The following EDAR variants were observed in gnomAD, a reference collection of about 807,000 sequenced individuals.
EDAR encodes the protein tumor necrosis factor receptor superfamily member EDAR.
A neutral mutation model predicts 51.3 loss-of-function variants in EDAR; 38 were observed. That is an observed-to-expected ratio of 0.74 (90% CI 0.57 to 0.97). The LOEUF is 0.97. EDAR is among the 50% of genes least tolerant of loss of function. EDAR has a pLI of 0.00. For synonymous variants in EDAR, 227 were observed against 242.1 expected (o/e 0.94, Z 0.58); for missense variants, 528 against 595.0 (o/e 0.89, Z 1.17).
rs768720529 is a variant in EDAR at position 108,923,451 on chromosome 2, T to C, written c.359A>G (p.Tyr120Cys). 6.2e-7 allele frequency: 1 copy of C among 1,614,048 alleles called. No individual in the cohort carries two copies. Among genetic ancestry groups the C allele is most frequent in the Non-Finnish European group, 8.5e-7 (1 of 1,179,950 alleles). ...CCTCGGTCTGTTCTCCAGCATGTAGTAGCTACGGGGGAGAGACAAGACAAA... is the reference window on the plus strand; with the variant it reads ...CCTCGGTCTGTTCTCCAGCATGTAGCAGCTACGGGGGAGAGACAAGACAAA... ...DAECGPCLPG[Y>C]YMLENRPRNI... is the part of the protein sequence containing the mutation. Residue 120 changes from tyrosine (Y) to cysteine (C), a missense_variant and splice_region_variant, in exon 5 of 12, where the codon TAC becomes TGC. Coordinates refer to ENST00000258443, the MANE Select transcript of EDAR (RefSeq NM_022336.4).
At chr2:108,974,277 C>A (rs1422282505) in intron 1 of EDAR, among the ~76,000 whole-genome samples, 1 of 125,756 alleles carries the variant, frequency 8.0e-6, no homozygotes, top group Non-Finnish European at 1.6e-5. Context: ...TTGCAGTGAG[C>A]TGAGATCACA....
At chr2:108,901,355 CAG>C (rs1216956735) in intron 11 of EDAR, among the ~76,000 whole-genome samples, 18 of 152,104 alleles carry the variant, frequency 1.2e-4, no homozygotes, top group African/African-American at 4.3e-4. Context: ...ATTTATAGGA[CAG>C]ATACATACAA....
At chr2:108,941,239 A>G (rs188001974) in intron 1 of EDAR, among the ~76,000 whole-genome samples, 15 of 152,214 alleles carry the variant, frequency 9.9e-5, no homozygotes, top group Non-Finnish European at 1.5e-4. Flanking sequence ...TGCCCATTCC[A>G]TTTGTTTTTG....
In EDAR at chr2:108,897,084, G is replaced by A; in HGVS notation, c.1170C>T (p.Gly390=). The A allele has an allele frequency of 1.9e-6, 3 of 1,614,154 alleles. No homozygotes were observed. The highest frequency in any genetic ancestry group is 2.5e-6 in the Non-Finnish European group (3 of 1,180,032). Residue 390 remains glycine, a synonymous_variant, in exon 12 of 12, where the codon GGC becomes GGT. Coordinates refer to ENST00000258443, the MANE Select transcript of EDAR (RefSeq NM_022336.4). The part of the protein sequence containing the change: ...SFGLKRDEIG[G]MTDGMQLFDR... ...CAAAGAGTTGCATGCCGTCTGTCAT[G>A]CCCCCAATCTCATCCCTCTTCAGGC...
intron 1 of EDAR, among the ~76,000 whole-genome samples, chr2:108,977,506 G>A (rs908462906): frequency 3.3e-5 from 5 of 152,098 alleles, no homozygotes; most frequent in Admixed American, 3.3e-4. Flanking sequence ...TCCTGACCTC[G>A]TGATCCGCCA....
rs535374722 is a variant in EDAR at position 108,937,576 on chromosome 2, A to T, written c.-18-6544T>A. Among the ~76,000 whole-genome samples the T allele has an allele frequency of 9.9e-5, 15 of 151,826 alleles. 1 individual carries two copies. The East Asian group carries it at 1.7e-3, about 18-fold the overall frequency. ...GAATGTTATGTGTGTGTGTATGCTTATGTGTAAGTGTATTTGTATATGAGT... is the reference window on the plus strand; with the variant it reads ...GAATGTTATGTGTGTGTGTATGCTTTTGTGTAAGTGTATTTGTATATGAGT... On this transcript the variant is annotated intron_variant, in intron 1 of 11. Transcript: ENST00000258443.
chr2:108,943,462 C>T (rs1697648133), intron 1 of EDAR, among the ~76,000 whole-genome samples: 1 of 152,164 alleles, frequency 6.6e-6, no homozygotes, highest in South Asian at 2.1e-4. Context: ...CTACCCTGTG[C>T]CTTTTTTCCA....
chr2:108,931,729 CTTT>C (rs374981111), intron 1 of EDAR, among the ~76,000 whole-genome samples: 1 of 149,924 alleles, frequency 6.7e-6, no homozygotes, highest in African/African-American at 2.5e-5. Flanking sequence ...GTTTTTTTTT[CTTT>C]TTTTTTGCTT....
intron 1 of EDAR, among the ~76,000 whole-genome samples, chr2:108,968,883 A>G (rs1698192147): frequency 6.6e-6 from 1 of 152,224 alleles, no homozygotes; most frequent in African/African-American, 2.4e-5. Context: ...CAGTCACGGT[A>G]GGGTTACATG....
At chr2:108,932,528 C>CAAAAAAAAAA (rs1171012818) in intron 1 of EDAR, among the ~76,000 whole-genome samples, 2 of 39,122 alleles carry the variant, frequency 5.1e-5, no homozygotes, top group African/African-American at 1.0e-4. Context: ...GACTCTGTCT[C>CAAAAAAAAAA]AAAAAAAAAA....
At chr2:108,981,108 G>A (rs141999001) in intron 1 of EDAR, among the ~76,000 whole-genome samples, 30 of 152,250 alleles carry the variant, frequency 2.0e-4, no homozygotes, top group African/African-American at 6.3e-4. Flanking sequence ...CTTGGCTCTC[G>A]GAAATCCACA....
intron 6 of EDAR, among the ~76,000 whole-genome samples, 169 bp downstream of exon 6, chr2:108,912,509 A>C (rs1408830916): frequency 6.6e-6 from 1 of 152,164 alleles, no homozygotes; most frequent in African/African-American, 2.4e-5. Flanking sequence ...TTGCAGATAT[A>C]ATGACTTCCT....
intron 4 of EDAR, among the ~76,000 whole-genome samples, chr2:108,926,377 G>A (rs1431891066): frequency 1.3e-5 from 2 of 152,120 alleles, no homozygotes; most frequent in East Asian, 1.9e-4. Context: ...GGGTCCCCTG[G>A]GATCTGTTGT....
intron 1 of EDAR, among the ~76,000 whole-genome samples, chr2:108,974,329 C>CAAAAAAA (rs11346592): frequency 3.3e-5 from 2 of 61,526 alleles, no homozygotes; most frequent in African/African-American, 1.3e-4. Context: ...GGATCCGTCT[C>CAAAAAAA]AAAAAAAAAA....
At chr2:108,973,309 G>A (rs181817768) in intron 1 of EDAR, among the ~76,000 whole-genome samples, 61 of 152,246 alleles carry the variant, frequency 4.0e-4, no homozygotes, top group Non-Finnish European at 1.3e-4. Context: ...GTATAGTGCC[G>A]CCTCCCTGCA....
chr2:108,963,184 T>G (rs1029495921), intron 1 of EDAR, among the ~76,000 whole-genome samples: 1 of 152,172 alleles, frequency 6.6e-6, no homozygotes, highest in South Asian at 2.1e-4. Flanking sequence ...ATTCCAGTTT[T>G]GGGAAAATAC....
At chr2:108,919,049 C>T (rs571182084) in intron 5 of EDAR, among the ~76,000 whole-genome samples, 86 of 152,238 alleles carry the variant, frequency 5.6e-4, no homozygotes, top group African/African-American at 2.0e-3. Flanking sequence ...GTGTCAGAAT[C>T]CATTGCTCAG....
chr2:108,910,823 C>T lies in EDAR; in HGVS notation c.683G>A (p.Ser228Asn). Reference sequence around the variant, plus strand: ...GTCCTTGCTCACTTGGGCCTCCACGCTCTTCCCCGGGTGGCTGGTGCAACA... The same window carrying T: ...GTCCTTGCTCACTTGGGCCTCCACGTTCTTCCCCGGGTGGCTGGTGCAACA... ...PACCTSHPGK[S>N]VEAQVSKDEE... The change falls in exon 8 of 12, where the codon AGC (serine) becomes AAC (asparagine). Residue 228 changes from serine (S) to asparagine (N), a missense_variant. Physicochemically the swap from Ser to Asn is conservative, Grantham distance 46. Coordinates refer to ENST00000258443, the MANE Select transcript of EDAR (RefSeq NM_022336.4). 1 of 1,614,016 alleles carries T rather than the reference C, an allele frequency of 6.2e-7. No individual in the cohort carries two copies. The highest frequency in any genetic ancestry group is 8.5e-7 in the Non-Finnish European group (1 of 1,179,998).
intron 1 of EDAR, among the ~76,000 whole-genome samples, chr2:108,985,804 CCTAA>C (rs555601970): frequency 6.6e-6 from 1 of 152,144 alleles, no homozygotes; most frequent in African/African-American, 2.4e-5. Context: ...CCCCCTTGTC[CCTAA>C]CTGTGTCATT....
Sources: gnomAD v4.1 joint callset for allele counts (sites outside exome capture counted in the v4.1 genomes callset) on GRCh38, gnomAD v4.1.1 for gene constraint, MANE v1.5 for transcripts, NCBI Gene and HGNC (gene_info 2026-07-23, HGNC 2026-07-21) for gene names.